Variants in SMIM31 observed in about 807,000 individuals in gnomAD.
The protein encoded by SMIM31 is human epithelial cell program regulator.
chr4:164,766,631 T>C (rs1732723733), intron 1 of SMIM31, among the ~76,000 whole-genome samples: 1 of 151,796 alleles, frequency 6.6e-6, no homozygotes, highest in South Asian at 2.1e-4. Context: ...ACCCCATCTC[T>C]ACTAAAAATA....
At chr4:164,770,729 A>C (rs562909405) in intron 2 of SMIM31, among the ~76,000 whole-genome samples, 174 bp downstream of exon 2, 1 of 152,292 alleles carries the variant, frequency 6.6e-6, no homozygotes, top group South Asian at 2.1e-4. Context: ...TATATATAGA[A>C]AGGAAAAGGA....
At chr4:164,760,406 AGTG>A (rs1447033734) in intron 1 of SMIM31, among the ~76,000 whole-genome samples, 1 of 152,060 alleles carries the variant, frequency 6.6e-6, no homozygotes, top group East Asian at 1.9e-4. Flanking sequence ...TTGCAATGGA[AGTG>A]GTGGGATTCT....
chr4:164,796,360 T>C (rs901649460), intron 2 of SMIM31, among the ~76,000 whole-genome samples: 17 of 152,294 alleles, frequency 1.1e-4, no homozygotes, highest in African/African-American at 3.8e-4. Context: ...GTTCCCCCTC[T>C]ACCTCCCCTA....
At chr4:164,786,792 A>G (rs1030718665) in intron 2 of SMIM31, among the ~76,000 whole-genome samples, 36 of 152,238 alleles carry the variant, frequency 2.4e-4, no homozygotes, top group Non-Finnish European at 4.4e-4. Context: ...GACACTTTAC[A>G]TTGGGTCAAA....
At chr4:164,759,934 G>A (rs1732622798) in intron 1 of SMIM31, among the ~76,000 whole-genome samples, 1 of 152,140 alleles carries the variant, frequency 6.6e-6, no homozygotes, top group African/African-American at 2.4e-5. Flanking sequence ...ATGAGGGTGA[G>A]AGTAGACCAC....
chr4:164,791,188 T>A (rs1405658738), intron 2 of SMIM31, among the ~76,000 whole-genome samples: 2 of 152,232 alleles, frequency 1.3e-5, no homozygotes, highest in African/African-American at 4.8e-5. Flanking sequence ...TTATTCTCAA[T>A]AAATGTATTA....
chr4:164,762,245 A>G (rs1411442576), intron 1 of SMIM31, among the ~76,000 whole-genome samples: 2 of 152,278 alleles, frequency 1.3e-5, no homozygotes, highest in East Asian at 1.9e-4. Flanking sequence ...CAAAAACAGA[A>G]TAATCTCTGC....
intron 1 of SMIM31, among the ~76,000 whole-genome samples, chr4:164,758,854 G>A (rs11722920): frequency 1.1e-5 from 1 of 94,504 alleles, no homozygotes; most frequent in Non-Finnish European, 1.9e-5. Flanking sequence ...ATTTTTAGTA[G>A]AGACTGGGTT....
chr4:164,782,052 A>C (rs1173409592), intron 2 of SMIM31, among the ~76,000 whole-genome samples: 6 of 152,092 alleles, frequency 3.9e-5, no homozygotes, highest in Non-Finnish European at 7.4e-5. Flanking sequence ...GCACTTTGGG[A>C]GGTTGAGGCG....
At chr4:164,765,114 T>C (rs1176595541) in intron 1 of SMIM31, among the ~76,000 whole-genome samples, 1 of 152,180 alleles carries the variant, frequency 6.6e-6, no homozygotes, top group African/African-American at 2.4e-5. Context: ...AAGGACAAGA[T>C]GGCTTTTTGT....
chr4:164,781,898 C>T (rs553031818), intron 2 of SMIM31, among the ~76,000 whole-genome samples: 7 of 152,256 alleles, frequency 4.6e-5, no homozygotes, highest in Admixed American at 2.0e-4. Flanking sequence ...AGGAGTAGCA[C>T]GGGGAATTGC....
chr4:164,756,659 C>T (rs186453773), intron 1 of SMIM31, among the ~76,000 whole-genome samples: 10 of 151,890 alleles, frequency 6.6e-5, no homozygotes, highest in Admixed American at 2.0e-4. Flanking sequence ...TTCCTTTTAC[C>T]TAATCAAGTT....
intron 2 of SMIM31, among the ~76,000 whole-genome samples, chr4:164,779,030 T>A (rs17045499): frequency 0.025 from 3,825 of 152,122 alleles, 156 homozygotes; most frequent in African/African-American, 0.086. Flanking sequence ...CAGCTACATC[T>A]TTTTCAACTG....
chr4:164,769,360 TC>T (rs1183526143), intron 1 of SMIM31, among the ~76,000 whole-genome samples: 2 of 152,130 alleles, frequency 1.3e-5, no homozygotes, highest in Admixed American at 1.3e-4. Flanking sequence ...CTTTCTATTA[TC>T]CTTTGCTTAA....
rs1263060190 is a variant in SMIM31, at chr4:164,803,501, A to G, written c.*2307A>G. 1 of 152,204 alleles carries G rather than the reference A, an allele frequency of 6.6e-6. No homozygotes were observed. The highest frequency in any genetic ancestry group is 2.4e-5 in the African/African-American group (1 of 41,450). 9.4% of individuals were successfully genotyped at this position (152,204 alleles called of 1,614,324 possible). On this transcript the variant is annotated 3_prime_UTR_variant, in exon 3 of 3. Coordinates refer to ENST00000507311, the MANE Select transcript of SMIM31 (RefSeq NM_001352885.1). ...AAAATCTCCCTAACATGTTTATGAAATAGCTGCAAAAGGCTGAGCGTGGTG... is the reference window on the plus strand; with the variant it reads ...AAAATCTCCCTAACATGTTTATGAAGTAGCTGCAAAAGGCTGAGCGTGGTG...
At chr4:164,780,213 G>C (rs927468831) in intron 2 of SMIM31, among the ~76,000 whole-genome samples, 1 of 152,186 alleles carries the variant, frequency 6.6e-6, no homozygotes, top group Non-Finnish European at 1.5e-5. Flanking sequence ...GGATCACAAG[G>C]TCAGGAGATC....
intron 2 of SMIM31, among the ~76,000 whole-genome samples, chr4:164,781,816 G>T (rs1732953075): frequency 6.6e-6 from 1 of 152,188 alleles, no homozygotes; most frequent in Non-Finnish European, 1.5e-5. Context: ...TGTGGAAAAG[G>T]CCAAACCGCA....
chr4:164,770,905 CATGGTAACCATAGTTACCAT>C (rs1186141122), intron 2 of SMIM31, among the ~76,000 whole-genome samples: 1 of 152,098 alleles, frequency 6.6e-6, no homozygotes, highest in Non-Finnish European at 1.5e-5. Flanking sequence ...ATGGTTACCA[CATGGTAACCATAGTTACCAT>C]AGTTCAGGGC....
chr4:164,784,137 G>T (rs180717861), intron 2 of SMIM31, among the ~76,000 whole-genome samples: 2 of 152,358 alleles, frequency 1.3e-5, no homozygotes, highest in Admixed American at 1.3e-4. Flanking sequence ...CGAGGGCCCA[G>T]CTGGGAGTTG....
Sources: allele counts gnomAD v4.1 joint callset (sites outside exome capture counted in the v4.1 genomes callset), GRCh38; gene constraint gnomAD v4.1.1; transcripts MANE v1.5; gene names NCBI Gene and HGNC (gene_info 2026-07-23, HGNC 2026-07-21).